Variants in FBXW7 observed in about 807,000 individuals in gnomAD.
The protein encoded by FBXW7 is F-box/WD repeat-containing protein 7.
FBXW7 carries 11 observed loss-of-function variants against 86.3 expected under a neutral mutation model. The ratio of observed to expected loss-of-function variants is 0.13; its 90% CI spans 0.08 to 0.21. The LOEUF is 0.21. Among genes scored for constraint, FBXW7 ranks in the 10% least tolerant of loss-of-function variants. The pLI, the probability that FBXW7 is intolerant of heterozygous loss-of-function variation, is 1.00. For synonymous variants in FBXW7, 313 were observed against 297.9 expected, an observed-to-expected ratio of 1.05 and a Z score of -0.52; for missense variants, 488 against 847.4, an observed-to-expected ratio of 0.58 and a Z score of 5.27.
intron 2 of FBXW7, among the ~76,000 whole-genome samples, chr4:152,465,561 C>T (rs1743328300): frequency 6.6e-6 from 1 of 152,048 alleles, no homozygotes. Context: ...TATTACCCAT[C>T]TGGCCAGGCG....
intron 6 of FBXW7, 171 bp downstream of exon 6, chr4:152,346,759 G>T: frequency 1.3e-6 from 1 of 793,072 alleles, no homozygotes; most frequent in South Asian, 2.0e-5. Context: ...CATATAAAGA[G>T]AATCAACATG....
chr4:152,330,652 TAC>T (rs1179521713), intron 9 of FBXW7, 78 bp downstream of exon 9: 1 of 1,287,158 alleles, frequency 7.8e-7, no homozygotes, highest in African/African-American at 1.5e-5. Flanking sequence ...TGTCATATTA[TAC>T]AGTTTGCCAA....
intron 2 of FBXW7, among the ~76,000 whole-genome samples, chr4:152,533,343 A>G (rs1481980015): frequency 2.0e-5 from 3 of 152,122 alleles, no homozygotes; most frequent in South Asian, 2.1e-4. Context: ...TACAGCTTCT[A>G]CTGTATTTTG....
intron 4 of FBXW7, among the ~76,000 whole-genome samples, chr4:152,363,775 A>G (rs1733200442): frequency 6.6e-6 from 1 of 152,194 alleles, no homozygotes; most frequent in African/African-American, 2.4e-5. Context: ...AACTTTCTGC[A>G]GAAAGTACTA....
At chr4:152,421,322 A>C (rs1738919821) in intron 2 of FBXW7, among the ~76,000 whole-genome samples, 1 of 152,140 alleles carries the variant, frequency 6.6e-6, no homozygotes, top group Non-Finnish European at 1.5e-5. Flanking sequence ...CTATCCAGAC[A>C]CTAAAACTTT....
chr4:152,390,254 C>T (rs529256418), intron 4 of FBXW7, among the ~76,000 whole-genome samples: 1 of 151,266 alleles, frequency 6.6e-6, no homozygotes, highest in Admixed American at 6.6e-5. Flanking sequence ...AATACTTTTC[C>T]TCATCCTTTC....
At chr4:152,468,158 G>A (rs1743626900) in intron 2 of FBXW7, among the ~76,000 whole-genome samples, 1 of 152,090 alleles carries the variant, frequency 6.6e-6, no homozygotes, top group African/African-American at 2.4e-5. Flanking sequence ...TGTTTATGAG[G>A]TCGTGGAGAA....
intron 2 of FBXW7, among the ~76,000 whole-genome samples, chr4:152,525,497 T>C (rs1206150815): frequency 6.6e-6 from 1 of 152,156 alleles, no homozygotes; most frequent in Non-Finnish European, 1.5e-5. Context: ...TGTCTATTCA[T>C]TTTGTTCATA....
At chr4:152,389,416 T>C (rs1018696362) in intron 4 of FBXW7, among the ~76,000 whole-genome samples, 1 of 152,044 alleles carries the variant, frequency 6.6e-6, no homozygotes, top group Non-Finnish European at 1.5e-5. Context: ...CACACACAAA[T>C]GGAATACTAT....
At chr4:152,349,290 T>C (rs895437964) in intron 5 of FBXW7, among the ~76,000 whole-genome samples, 8 of 144,904 alleles carry the variant, frequency 5.5e-5, no homozygotes, top group African/African-American at 2.1e-4. Context: ...CTGGCAATTA[T>C]ACAAAAAATT....
intron 2 of FBXW7, 34 bp downstream of exon 2, chr4:152,534,907 C>G (rs1750366006): frequency 6.6e-6 from 1 of 152,346 alleles, no homozygotes; most frequent in African/African-American, 2.4e-5. Context: ...CTCCCACTTT[C>G]TCCCCCTCAA....
chr4:152,383,737 G>A (rs1735294765), intron 4 of FBXW7, among the ~76,000 whole-genome samples: 1 of 152,110 alleles, frequency 6.6e-6, no homozygotes, highest in East Asian at 1.9e-4. Context: ...GATTAGCATT[G>A]CTAAATATTA....
intron 2 of FBXW7, among the ~76,000 whole-genome samples, chr4:152,508,173 T>C (rs986226811): frequency 6.6e-6 from 1 of 151,764 alleles, no homozygotes; most frequent in African/African-American, 2.4e-5. Flanking sequence ...CTGGGATAAT[T>C]AGAGCACCAA....
chr4:152,525,265 A>G (rs894962353), intron 2 of FBXW7, among the ~76,000 whole-genome samples: 5 of 152,330 alleles, frequency 3.3e-5, no homozygotes, highest in African/African-American at 1.2e-4. Flanking sequence ...ACTTTCCTTA[A>G]AAGGAGAAGT....
chr4:152,330,174 T>C (rs1318193180), intron 9 of FBXW7, among the ~76,000 whole-genome samples: 4 of 151,870 alleles, frequency 2.6e-5, no homozygotes, highest in Non-Finnish European at 4.4e-5. Context: ...ATTATTAGCA[T>C]TCTTAAAACA....
intron 6 of FBXW7, among the ~76,000 whole-genome samples, chr4:152,345,301 C>T (rs554981609): frequency 6.6e-6 from 1 of 152,014 alleles, no homozygotes; most frequent in East Asian, 1.9e-4. Context: ...CAAAATAACT[C>T]AGGAGGAAGG....
intron 4 of FBXW7, among the ~76,000 whole-genome samples, chr4:152,396,203 C>T (rs943148611): frequency 6.6e-6 from 1 of 151,748 alleles, no homozygotes; most frequent in Non-Finnish European, 1.5e-5. Flanking sequence ...TTCATACTAA[C>T]CTGCTTTTTC....
intron 2 of FBXW7, among the ~76,000 whole-genome samples, chr4:152,486,395 CAT>C (rs1270864297): frequency 2.0e-5 from 3 of 152,172 alleles, no homozygotes; most frequent in South Asian, 2.1e-4. Flanking sequence ...GTAAAACTAA[CAT>C]ATTGTACAGC....
At chr4:152,345,723 A>T (rs1479081949) in intron 6 of FBXW7, among the ~76,000 whole-genome samples, 1 of 152,170 alleles carries the variant, frequency 6.6e-6, no homozygotes, top group Non-Finnish European at 1.5e-5. Flanking sequence ...ATTTTAAAAA[A>T]CCATTTAAAA....
Sources: allele counts gnomAD v4.1 joint callset (sites outside exome capture counted in the v4.1 genomes callset), GRCh38; gene constraint gnomAD v4.1.1; transcripts MANE v1.5; gene names NCBI Gene and HGNC (gene_info 2026-07-23, HGNC 2026-07-21).